The following MBP variants were observed in gnomAD, a reference collection of about 807,000 sequenced individuals.
MBP encodes the protein Golli-MBP.
MBP carries 16 observed loss-of-function variants against 35.8 expected under a neutral mutation model. That is an observed-to-expected ratio of 0.45 (90% CI 0.30 to 0.68). MBP has a LOEUF of 0.68. MBP is among the 30% of genes least tolerant of loss of function. MBP has a pLI of 0.08. For missense variants in MBP, 380 were observed against 404.7 expected, an observed-to-expected ratio of 0.94 and a Z score of 0.52; for synonymous variants, 143 against 159.6, an observed-to-expected ratio of 0.90 and a Z score of 0.78.
chr18:77,083,358 C>G (rs1346732356), intron 2 of MBP, among the ~76,000 whole-genome samples: 2 of 152,188 alleles, frequency 1.3e-5, no homozygotes, highest in Non-Finnish European at 2.9e-5. Context: ...ACAACGACGT[C>G]CAGGACCCTT....
At chr18:77,046,452 C>A (rs1973261920) in intron 3 of MBP, among the ~76,000 whole-genome samples, 1 of 152,242 alleles carries the variant, frequency 6.6e-6, no homozygotes, top group Non-Finnish European at 1.5e-5. Flanking sequence ...GACAGTTAGG[C>A]TGAGGCACAG....
intron 4 of MBP, among the ~76,000 whole-genome samples, chr18:77,001,075 G>A (rs909837679): frequency 1.7e-4 from 26 of 152,218 alleles, no homozygotes; most frequent in African/African-American, 6.3e-4. Context: ...AATACGTGAA[G>A]ACCTAGTGAG....
intron 3 of MBP, among the ~76,000 whole-genome samples, chr18:77,022,838 T>C (rs28549273): frequency 1.3e-5 from 2 of 152,360 alleles, no homozygotes; most frequent in South Asian, 4.1e-4. Context: ...CGAAGAAGTC[T>C]AAATCTATGG....
rs1156811370 is a variant in MBP, at chr18:77,069,126, G to A, written c.52-2741C>T. 6.6e-6 allele frequency: 3 copies of A among 453,932 alleles called. No homozygotes were observed. In the Admixed American group the frequency reaches 7.1e-5, roughly 11 times the overall value. The allele number at this position is 453,932 out of a possible 1,614,324, so 28.1% of individuals were successfully genotyped here. On this transcript the variant is annotated intron_variant, in intron 2 of 8. Coordinates refer to ENST00000355994, the MANE Select transcript of MBP (RefSeq NM_001025101.2). ...GATGCGGTGAATACTGTGAGAACAA[G>A]AACAGTGCCTTACACACCTTCCCAA... is the stretch of plus-strand genomic sequence containing the variant.
intron 3 of MBP, among the ~76,000 whole-genome samples, chr18:77,018,839 C>A (rs900029470): frequency 1.0e-4 from 14 of 134,184 alleles, no homozygotes; most frequent in Admixed American, 2.3e-4. Flanking sequence ...CATATATCCA[C>A]CCATCCATCC....
chr18:77,019,869 G>A (rs1181261928), intron 3 of MBP, among the ~76,000 whole-genome samples: 2 of 152,166 alleles, frequency 1.3e-5, no homozygotes, highest in African/African-American at 4.8e-5. Flanking sequence ...GCAGGAGAGC[G>A]GCCATGCTGG....
chr18:76,984,659 G>A (rs1245075057), intron 8 of MBP, 116 bp downstream of exon 8: 5 of 1,432,394 alleles, frequency 3.5e-6, no homozygotes, highest in Non-Finnish European at 4.9e-6. Context: ...GACAGAGCAC[G>A]TCCAGGGTAC....
intron 2 of MBP, among the ~76,000 whole-genome samples, chr18:77,094,721 T>C (rs191739420): frequency 6.6e-6 from 1 of 152,316 alleles, no homozygotes; most frequent in Admixed American, 6.5e-5. Context: ...AGCTAATACC[T>C]GTCTAGTAGG....
Position 76,987,581 on chromosome 18 carries a change from T to A in MBP, c.750+914A>T, listed in dbSNP as rs140718570. On this transcript the variant is annotated intron_variant, in intron 7 of 8. Transcript: ENST00000355994. Reference sequence around the variant, plus strand: ...TGTTCTTTCTCCTTGTTGTTTTTCTTTTAAAATGTATTCATTCATTTATAT... The same window carrying A: ...TGTTCTTTCTCCTTGTTGTTTTTCTATTAAAATGTATTCATTCATTTATAT... The A allele has an allele frequency of 6.7e-5, 66 of 985,274 alleles. No individual in the cohort carries two copies. The Middle Eastern group carries it at 2.6e-3, about 39-fold the overall frequency. The allele number at this position is 985,274 out of a possible 1,614,324, so 61.0% of individuals were successfully genotyped here. A position where few individuals can be genotyped will look rare whatever the true frequency, so the allele number is the denominator to read the frequency against.
intron 7 of MBP, chr18:76,985,636 G>A (rs1266901930): frequency 8.5e-6 from 9 of 1,058,856 alleles, no homozygotes; most frequent in East Asian, 1.7e-4. Flanking sequence ...GGGGGCGGCC[G>A]CATCCTGGCA....
At chr18:77,091,074 A>G (rs754700425) in intron 2 of MBP, among the ~76,000 whole-genome samples, 4 of 152,222 alleles carry the variant, frequency 2.6e-5, no homozygotes, top group South Asian at 2.1e-4. Context: ...CCTACCACAC[A>G]TTCGAAAACA....
At chr18:77,083,164 G>GCCAA (rs1299522889) in intron 2 of MBP, among the ~76,000 whole-genome samples, 2 of 151,912 alleles carry the variant, frequency 1.3e-5, no homozygotes, top group African/African-American at 4.8e-5. Flanking sequence ...ACAGGGTTTT[G>GCCAA]CCACGTTGGC....
At chr18:77,068,313 GC>G (rs1488822792) in intron 2 of MBP, among the ~76,000 whole-genome samples, 1 of 152,194 alleles carries the variant, frequency 6.6e-6, no homozygotes, top group Admixed American at 6.5e-5. Flanking sequence ...ATGGTACCAA[GC>G]CCAAATGAAG....
chr18:77,081,749 CATATATAT>C (rs3056773), intron 2 of MBP, among the ~76,000 whole-genome samples: 14 of 136,224 alleles, frequency 1.0e-4, no homozygotes, highest in East Asian at 4.3e-4. Context: ...TTCATAGCAG[CATATATAT>C]ATATATATAT....
intron 2 of MBP, among the ~76,000 whole-genome samples, chr18:77,104,244 C>T (rs1364381346): frequency 2.0e-5 from 3 of 152,196 alleles, no homozygotes; most frequent in African/African-American, 2.4e-5. Flanking sequence ...GCAGGAGGAA[C>T]GTGGAACCTT....
chr18:77,127,204 T>C (rs1599290346), intron 1 of MBP: 2 of 152,246 alleles, frequency 1.3e-5, no homozygotes, highest in Middle Eastern at 3.4e-3. Context: ...TGGAACAGAA[T>C]AGAGAACCCA....
intron 3 of MBP, among the ~76,000 whole-genome samples, chr18:77,042,382 C>A (rs1434075621): frequency 3.9e-5 from 6 of 152,204 alleles, no homozygotes; most frequent in African/African-American, 1.4e-4. Context: ...CTGATTGGCA[C>A]CCTTTCTCTT....
Position 76,990,022 on chromosome 18 carries a change from G to A in MBP, c.615C>T (p.Ser205=), listed in dbSNP as rs1969803787. 2.5e-6 allele frequency: 4 copies of A among 1,613,076 alleles called. No homozygotes were observed. Among genetic ancestry groups the A allele is most frequent in the Non-Finnish European group, 2.5e-6 (3 of 1,179,976 alleles). The change falls in exon 5 of 9, where the codon TCC becomes TCT. Residue 205 remains serine, a synonymous_variant. Transcript: ENST00000355994. ...TCCGGCCGTGTGACTTCTGGGGCAG[G>A]GAGCCGTAGTGAGCAGTTCTTGCCG... ...HHPARTAHYG[S]LPQKSHGRTQ...
At chr18:77,112,762 G>T (rs977875029) in intron 1 of MBP, 4 of 152,344 alleles carry the variant, frequency 2.6e-5, no homozygotes, top group Non-Finnish European at 5.9e-5. Context: ...ACTCTTCCAG[G>T]ATAGTATGTG....
Sources: gnomAD v4.1 joint callset for allele counts (sites outside exome capture counted in the v4.1 genomes callset) on GRCh38, gnomAD v4.1.1 for gene constraint, MANE v1.5 for transcripts, NCBI Gene and HGNC (gene_info 2026-07-23, HGNC 2026-07-21) for gene names.